Variants in RIT2 observed in about 807,000 individuals in gnomAD.
RIT2 encodes the protein Ras like without CAAX 2, also known as GTP-binding protein Rit2.
A neutral mutation model predicts 23.7 loss-of-function variants in RIT2; 24 were observed. That is an observed-to-expected ratio of 1.01 (90% CI 0.73 to 1.43). The LOEUF is 1.43. RIT2 is among the 40% of genes most tolerant of loss of function. The probability of loss-of-function intolerance (pLI) is 0.00; values close to 1 mark genes in which losing one functional copy is unlikely to be tolerated. For synonymous variants in RIT2, 107 were observed against 91.1 expected, an observed-to-expected ratio of 1.17 and a Z score of -0.99; for missense variants, 236 against 266.9, an observed-to-expected ratio of 0.88 and a Z score of 0.81.
intron 2 of RIT2, among the ~76,000 whole-genome samples, chr18:42,981,227 C>T (rs1197216308): frequency 6.6e-6 from 1 of 152,060 alleles, no homozygotes; most frequent in East Asian, 1.9e-4. Context: ...TCAAAAATAC[C>T]CTTGAAAAAT....
Position 43,098,925 on chromosome 18 carries a change from T to C in RIT2, c.103+16492A>G, listed in dbSNP as rs151221148. Among the ~76,000 whole-genome samples, 4 of 152,116 alleles carry C rather than the reference T, an allele frequency of 2.6e-5. No homozygotes were observed. The East Asian group carries it at 7.7e-4, about 29-fold the overall frequency. ...TCAGAGGAATGAACAGTCATGTCAATATTTGGGATGACATAGAGAAACAGG... is the reference window on the plus strand; with the variant it reads ...TCAGAGGAATGAACAGTCATGTCAACATTTGGGATGACATAGAGAAACAGG... On this transcript the variant is annotated intron_variant, in intron 1 of 4. Coordinates refer to ENST00000326695, the MANE Select transcript of RIT2 (RefSeq NM_002930.4).
At chr18:42,757,305 G>A (rs1008951810) in intron 4 of RIT2, among the ~76,000 whole-genome samples, 4 of 152,182 alleles carry the variant, frequency 2.6e-5, no homozygotes, top group Admixed American at 2.6e-4. Context: ...TGGCCCTGCA[G>A]AATCTCTGGA....
At chr18:43,084,311 G>A (rs1247452947) in intron 1 of RIT2, among the ~76,000 whole-genome samples, 1 of 152,164 alleles carries the variant, frequency 6.6e-6, no homozygotes, top group Non-Finnish European at 1.5e-5. Context: ...TTCCATCATT[G>A]TGGAAGGTAG....
intron 4 of RIT2, among the ~76,000 whole-genome samples, chr18:42,893,047 T>C (rs1568023418): frequency 6.6e-6 from 1 of 152,034 alleles, no homozygotes. Context: ...CCACAGGAAT[T>C]TGGAGACCAA....
intron 1 of RIT2, among the ~76,000 whole-genome samples, chr18:43,047,206 C>T (rs991517257): frequency 6.6e-6 from 1 of 151,842 alleles, no homozygotes; most frequent in African/African-American, 2.4e-5. Flanking sequence ...GGCTATTGTG[C>T]TTATATCTCT....
chr18:42,950,306 T>C (rs1196290362), intron 3 of RIT2, among the ~76,000 whole-genome samples: 1 of 152,102 alleles, frequency 6.6e-6, no homozygotes, highest in Non-Finnish European at 1.5e-5. Flanking sequence ...ATGGACTCCT[T>C]ATTCAATAAA....
At chr18:43,083,623 A>G (rs186137235) in intron 1 of RIT2, among the ~76,000 whole-genome samples, 2 of 152,292 alleles carry the variant, frequency 1.3e-5, no homozygotes, top group African/African-American at 4.8e-5. Flanking sequence ...AAAACAAACA[A>G]GCAATGGGGA....
intron 2 of RIT2, among the ~76,000 whole-genome samples, chr18:42,992,551 C>T (rs892921752): frequency 2.0e-5 from 3 of 152,018 alleles, no homozygotes; most frequent in South Asian, 2.1e-4. Flanking sequence ...CTACCCAGGC[C>T]GAGCTATGTC....
chr18:42,804,050 T>C (rs954542672), intron 4 of RIT2, among the ~76,000 whole-genome samples: 2 of 152,118 alleles, frequency 1.3e-5, no homozygotes, highest in African/African-American at 4.8e-5. Flanking sequence ...AGTGAATGAA[T>C]CAAGCCATTT....
chr18:42,933,427 T>C (rs551997526), intron 3 of RIT2, among the ~76,000 whole-genome samples: 1 of 152,280 alleles, frequency 6.6e-6, no homozygotes, highest in East Asian at 1.9e-4. Context: ...GGCTGTGTCC[T>C]GGACAAAATC....
chr18:42,793,212 T>C (rs1434717927), intron 4 of RIT2, among the ~76,000 whole-genome samples: 1 of 152,220 alleles, frequency 6.6e-6, no homozygotes, highest in African/African-American at 2.4e-5. Context: ...CAGCTATATG[T>C]AAAATAAAAT....
chr18:42,803,734 G>A (rs575135323), intron 4 of RIT2, among the ~76,000 whole-genome samples: 311 of 152,252 alleles, frequency 2.0e-3, no homozygotes, highest in African/African-American at 6.7e-3. Context: ...GCTGCCCGTG[G>A]TATTTATTAA....
At chr18:42,984,216 T>C (rs973815057) in intron 2 of RIT2, among the ~76,000 whole-genome samples, 1 of 152,100 alleles carries the variant, frequency 6.6e-6, no homozygotes, top group Non-Finnish European at 1.5e-5. Context: ...CACGGAATAC[T>C]GTTGAATAAT....
chr18:42,933,219 T>C (rs559240788), intron 3 of RIT2, among the ~76,000 whole-genome samples: 12 of 152,232 alleles, frequency 7.9e-5, no homozygotes, highest in Admixed American at 4.6e-4. Flanking sequence ...AAGCTTCTAA[T>C]AGTAAAGGAG....
intron 4 of RIT2, among the ~76,000 whole-genome samples, chr18:42,756,266 G>T (rs117594768): frequency 0.04 from 6,020 of 152,272 alleles, 166 homozygotes; most frequent in Middle Eastern, 0.058. Flanking sequence ...CTCTCTTGCT[G>T]TTCTGGAGAG....
intron 4 of RIT2, among the ~76,000 whole-genome samples, chr18:42,782,416 A>C (rs558415389): frequency 1.3e-5 from 2 of 152,246 alleles, no homozygotes; most frequent in East Asian, 3.9e-4. Context: ...ATTTACATAT[A>C]TCTTATAAGG....
intron 4 of RIT2, among the ~76,000 whole-genome samples, chr18:42,828,486 T>A (rs1325155344): frequency 6.6e-6 from 1 of 152,246 alleles, no homozygotes; most frequent in African/African-American, 2.4e-5. Context: ...AACTTTGGTT[T>A]TAGAATAGGT....
intron 4 of RIT2, among the ~76,000 whole-genome samples, chr18:42,807,671 T>C (rs1040332818): frequency 3.3e-5 from 5 of 152,116 alleles, no homozygotes; most frequent in Admixed American, 6.5e-5. Flanking sequence ...CTGTTTATCC[T>C]GAGTGAGAAT....
intron 4 of RIT2, among the ~76,000 whole-genome samples, chr18:42,836,813 C>T (rs1181422255): frequency 6.6e-6 from 1 of 152,162 alleles, no homozygotes; most frequent in East Asian, 1.9e-4. Context: ...AAGTACATCA[C>T]AGTTTTTAAG....
Sources: allele counts gnomAD v4.1 joint callset (sites outside exome capture counted in the v4.1 genomes callset), GRCh38; gene constraint gnomAD v4.1.1; transcripts MANE v1.5; gene names NCBI Gene and HGNC (gene_info 2026-07-23, HGNC 2026-07-21).